COL4A5: variants seen among roughly 807,000 people sequenced by gnomAD.
COL4A5 encodes collagen alpha-5(IV) chain.
A neutral mutation model predicts 130.2 loss-of-function variants in COL4A5; 26 were observed. The ratio of observed to expected loss-of-function variants is 0.20; its 90% confidence interval spans 0.15 to 0.28. COL4A5 has a LOEUF of 0.28. Ranked by LOEUF, COL4A5 falls within the 10% of genes least tolerant of loss-of-function variation. The probability of loss-of-function intolerance (pLI) is 1.00; values close to 1 mark genes in which losing one functional copy is unlikely to be tolerated. For synonymous variants in COL4A5, 496 were observed against 439.6 expected, an observed-to-expected ratio of 1.13 and a Z score of -1.60; for missense variants, 1,131 against 1,344.3, an observed-to-expected ratio of 0.84 and a Z score of 2.48.
intron 1 of COL4A5, among the ~76,000 whole-genome samples, chrX:108,477,425 A>T (rs947670461): frequency 2.7e-5 from 3 of 112,383 alleles, no homozygotes; most frequent in African/African-American, 9.7e-5. Flanking sequence ...GCTGATATGA[A>T]GTCAATAAAT....
intron 1 of COL4A5, among the ~76,000 whole-genome samples, chrX:108,473,528 AAAAGTTAAACAAT>A (rs1436441755): frequency 9.7e-6 from 1 of 103,119 alleles, no homozygotes; most frequent in Non-Finnish European, 2.0e-5. Flanking sequence ...AAAAAGTTTT[AAAAGTTAAACAAT>A]AAATACAGTA....
At chrX:108,626,537 A>G (rs1412493332) in intron 36 of COL4A5, 188 bp downstream of exon 36, 1 of 1,141,675 alleles carries the variant, frequency 8.8e-7, no homozygotes, top group Non-Finnish European at 1.2e-6. Context: ...GGCCAGTCCA[A>G]AATAAAAAGG....
In COL4A5 at chrX:108,594,662, G is replaced by A. The variant is rs189312353; in HGVS notation, c.1424-847G>A. Among the ~76,000 whole-genome samples the A allele has an allele frequency of 1.0e-3, 108 of 106,908 alleles. 4 individuals are homozygous for A. In the East Asian group the frequency reaches 0.031, roughly 31 times the overall value. 92.8% of individuals were successfully genotyped at this position (106,908 alleles called of 115,157 possible). ...TATACCAAACATGGCTATTCTTTCT[G>A]CTTGGGATGTTCTACACTCTTATGC... On this transcript the variant is annotated intron_variant, in intron 21 of 52. Transcript: ENST00000328300.
chrX:108,628,542 CTCTT>C (rs1364459224), intron 36 of COL4A5, among the ~76,000 whole-genome samples: 1 of 111,321 alleles, frequency 9.0e-6, no homozygotes, highest in East Asian at 2.8e-4. Context: ...ATGTTTTTAA[CTCTT>C]TCGTAAATTG....
rs1317002271 is a variant in COL4A5, at chrX:108,692,811, A to G, written c.4592A>G (p.Asn1531Ser). The change falls in exon 50 of 53, where the codon AAT becomes AGT. Residue 1531 changes from asparagine (N) to serine (S), a missense_variant. Transcript: ENST00000328300. Reference protein sequence around the residue: ...TMPFMFCNINNVCNFASRNDY... With the variant: ...TMPFMFCNINSVCNFASRNDY... The stretch of plus-strand genomic sequence containing the variant: ...CCTTTCATGTTCTGCAACATCAATA[A>G]TGTTTGCAACTTTGCTTCAAGAAAT... The G allele has an allele frequency of 2.5e-6, 3 of 1,208,690 alleles. No individual in the cohort carries two copies. Among genetic ancestry groups the G allele is most frequent in the Non-Finnish European group, 3.4e-6 (3 of 894,321 alleles).
At chrX:108,476,981 A>G (rs1273817582) in intron 1 of COL4A5, among the ~76,000 whole-genome samples, 1 of 111,484 alleles carries the variant, frequency 9.0e-6, no homozygotes, top group Non-Finnish European at 1.9e-5. Context: ...AACGAATAGG[A>G]CAGGAAGCAT....
At chrX:108,622,476 G>A (rs1384067359) in intron 32 of COL4A5, among the ~76,000 whole-genome samples, 200 bp from the exon 33 acceptor site, 1 of 111,984 alleles carries the variant, frequency 8.9e-6, no homozygotes, top group Non-Finnish European at 1.9e-5. Flanking sequence ...TCGTTGTCAA[G>A]GAATTCCAGA....
intron 36 of COL4A5, among the ~76,000 whole-genome samples, chrX:108,649,883 G>T (rs1330733816): frequency 9.0e-6 from 1 of 111,164 alleles, no homozygotes; most frequent in Non-Finnish European, 1.9e-5. Context: ...AAACACAAAT[G>T]CAATAAAAAC....
intron 1 of COL4A5, among the ~76,000 whole-genome samples, chrX:108,521,798 T>G (rs1244035464): frequency 8.9e-6 from 1 of 111,932 alleles, no homozygotes; most frequent in Non-Finnish European, 1.9e-5. Flanking sequence ...GCACTGATTT[T>G]TTTTAACAGC....
chrX:108,475,907 A>AT (rs1408544937), intron 1 of COL4A5, among the ~76,000 whole-genome samples: 1 of 111,791 alleles, frequency 8.9e-6, no homozygotes, highest in Non-Finnish European at 1.9e-5. Context: ...CTAAATTCTG[A>AT]TTTTCAAACA....
At chrX:108,625,566 T>C in intron 34 of COL4A5, 139 bp from the exon 35 acceptor site, 2 of 479,002 alleles carry the variant, frequency 4.2e-6, no homozygotes, top group East Asian at 3.7e-5. Flanking sequence ...TGTTGGGTTC[T>C]ATCTGTGGAC....
intron 1 of COL4A5, among the ~76,000 whole-genome samples, chrX:108,458,904 C>T (rs1335550343): frequency 9.1e-6 from 1 of 109,842 alleles, no homozygotes; most frequent in Non-Finnish European, 1.9e-5. Flanking sequence ...GGCGTGAACC[C>T]GGGAGGCGGA....
intron 1 of COL4A5, among the ~76,000 whole-genome samples, chrX:108,467,289 C>T (rs1036590695): frequency 1.2e-4 from 13 of 111,729 alleles, no homozygotes; most frequent in Non-Finnish European, 3.8e-5. Context: ...TCTAGGCACC[C>T]TTATCAAAAA....
At chrX:108,626,598 C>T in intron 36 of COL4A5, 1 of 1,095,433 alleles carries the variant, frequency 9.1e-7, no homozygotes, top group Non-Finnish European at 1.2e-6. Context: ...TCTGGATATA[C>T]TTCAATAATC....
intron 1 of COL4A5, among the ~76,000 whole-genome samples, chrX:108,461,942 A>G (rs761297548): frequency 8.9e-6 from 1 of 112,108 alleles, no homozygotes; most frequent in Non-Finnish European, 1.9e-5. Flanking sequence ...ATGAAAAAGT[A>G]TTATAAAAGG....
chrX:108,526,879 C>A (rs753853999), intron 1 of COL4A5, among the ~76,000 whole-genome samples: 1 of 105,801 alleles, frequency 9.5e-6, no homozygotes, highest in East Asian at 3.0e-4. Flanking sequence ...GTGATCCTCC[C>A]TCCTCAGTCT....
rs989874696 is a variant in COL4A5, at chrX:108,580,994, C to A, written c.903C>A (p.Gly301=). 5.8e-6 allele frequency: 7 copies of A among 1,206,753 alleles called. No individual in the cohort carries two copies. Among genetic ancestry groups the A allele is most frequent in the African/African-American group, 1.8e-5 (1 of 56,894 alleles). ...QGEPGKRGKP[G]KDGENGQPGI... is the part of the protein sequence containing the mutation. ...TTTGTATCCTATAGGGTAAACCAGG[C>A]AAAGATGGAGAAAATGGCCAACCAG... Residue 301 remains glycine, a synonymous_variant, in exon 16 of 53, where the codon GGC becomes GGA. Transcript: ENST00000328300.
At chrX:108,528,528 A>C (rs2065349294) in intron 1 of COL4A5, among the ~76,000 whole-genome samples, 1 of 112,859 alleles carries the variant, frequency 8.9e-6, no homozygotes, top group Admixed American at 9.3e-5. Context: ...ATCTTAATCA[A>C]AAAGACACTT....
chrX:108,478,997 G>A (rs771526857), intron 1 of COL4A5, among the ~76,000 whole-genome samples: 91 of 112,097 alleles, frequency 8.1e-4, no homozygotes, highest in African/African-American at 2.4e-3. Flanking sequence ...CTGTAGCCAG[G>A]TCAGCATTGA....
Sources: gnomAD v4.1 joint callset for allele counts (sites outside exome capture counted in the v4.1 genomes callset) on GRCh38, gnomAD v4.1.1 for gene constraint, MANE v1.5 for transcripts, NCBI Gene and HGNC (gene_info 2026-07-23, HGNC 2026-07-21) for gene names.